PGM2: variants seen among roughly 807,000 people sequenced by gnomAD.
PGM2 encodes phosphopentomutase.
In PGM2, 57 loss-of-function variants were observed where a neutral mutation model predicts 74.6. The ratio of observed to expected loss-of-function variants is 0.76; its 90% CI spans 0.62 to 0.95. PGM2 has a LOEUF of 0.95. Ranked by LOEUF, PGM2 falls within the 40% of genes least tolerant of loss-of-function variation. PGM2 has a pLI of 0.00. For missense variants in PGM2, 706 were observed against 741.9 expected, an observed-to-expected ratio of 0.95 and a Z score of 0.56; for synonymous variants, 273 against 260.7, an observed-to-expected ratio of 1.05 and a Z score of -0.46.
intron 4 of PGM2, chr4:37,839,589 A>C (rs532023527): frequency 1.7e-5 from 10 of 602,240 alleles, no homozygotes; most frequent in Non-Finnish European, 3.1e-5. Flanking sequence ...AGCTCTACCA[A>C]GTAGAAGATG....
intron 1 of PGM2, 39 bp downstream of exon 1, chr4:37,826,852 G>A (rs1203988490): frequency 7.4e-7 from 1 of 1,359,462 alleles, no homozygotes; most frequent in Admixed American, 2.0e-5. Flanking sequence ...CTGGAGCGGG[G>A]CCGGGTGCTC....
chr4:37,849,684 C>T (rs902050724), intron 11 of PGM2, among the ~76,000 whole-genome samples: 1 of 152,142 alleles, frequency 6.6e-6, no homozygotes, highest in African/African-American at 2.4e-5. Flanking sequence ...GCTGGGATTA[C>T]AGGCGTGAGC....
chr4:37,856,891 A>G (rs973129887), intron 13 of PGM2, among the ~76,000 whole-genome samples: 1 of 152,150 alleles, frequency 6.6e-6, no homozygotes, highest in African/African-American at 2.4e-5. Context: ...ATATCCAAAA[A>G]TTATTACAAC....
At chr4:37,835,454 G>A (rs373175211) in intron 3 of PGM2, among the ~76,000 whole-genome samples, 14 of 152,132 alleles carry the variant, frequency 9.2e-5, no homozygotes, top group African/African-American at 3.1e-4. Flanking sequence ...CAGGAGCATG[G>A]CAGTGTTCCA....
In PGM2 at chr4:37,839,732, A is replaced by G. The variant is rs115764019; in HGVS notation, c.442-116A>G. 1,125 of 702,510 alleles carry G rather than the reference A, an allele frequency of 1.6e-3. 9 individuals are homozygous for G. In the African/African-American group the frequency reaches 0.018, roughly 11 times the overall value. 43.5% of individuals were successfully genotyped at this position (702,510 alleles called of 1,614,324 possible). On this transcript the variant is annotated intron_variant, in intron 4 of 13. Transcript: ENST00000381967. ...GGCTCAAAAATATTATGCTATTTAT[A>G]TATTATGTTTATTAAAAGGGAGCAA...
intron 12 of PGM2, among the ~76,000 whole-genome samples, chr4:37,853,524 A>G (rs1444540140): frequency 6.6e-6 from 1 of 151,946 alleles, no homozygotes; most frequent in Non-Finnish European, 1.5e-5. Flanking sequence ...TGTCTTTTAC[A>G]TGATGTCTTT....
Position 37,848,510 on chromosome 4 carries a change from G to T in PGM2, c.1283-12G>T. ...TATTGTATAGATGTATGTATGACGT[G>T]TGTTTCTGCAGGATACATGTGCTGC... is the stretch of plus-strand genomic sequence containing the variant. On this transcript the variant is annotated splice_polypyrimidine_tract_variant and intron_variant, in intron 10 of 13. Transcript: ENST00000381967. The T allele has an allele frequency of 6.2e-7, 1 of 1,610,214 alleles. No individual in the cohort carries two copies. The highest frequency in any genetic ancestry group is 8.5e-7 in the Non-Finnish European group (1 of 1,177,528).
intron 11 of PGM2, 66 bp from the exon 12 acceptor site, chr4:37,850,118 A>G (rs1725996292): frequency 5.6e-6 from 5 of 897,202 alleles, no homozygotes; most frequent in African/African-American, 1.7e-5. Flanking sequence ...TGGTTGGTAC[A>G]TGTTCTGTGT....
At chr4:37,851,630 C>T (rs1455958327) in intron 12 of PGM2, among the ~76,000 whole-genome samples, 3 of 152,140 alleles carry the variant, frequency 2.0e-5, no homozygotes, top group Admixed American at 6.5e-5. Context: ...TACGATGAAA[C>T]GTGGCAGTCC....
intron 1 of PGM2, among the ~76,000 whole-genome samples, chr4:37,827,243 T>C (rs1050864736): frequency 2.6e-5 from 4 of 152,206 alleles, no homozygotes; most frequent in African/African-American, 7.2e-5. Flanking sequence ...CGCTGAGACC[T>C]TTGCAGAGCA....
Position 37,840,081 on chromosome 4 carries a change from G to A in PGM2, c.541G>A (p.Gly181Arg). The A allele has an allele frequency of 6.2e-7, 1 of 1,613,604 alleles. No individual in the cohort carries two copies. The highest frequency in any genetic ancestry group is 8.5e-7 in the Non-Finnish European group (1 of 1,179,608). ...DNGYKVYWDN[G>R]AQIISPHDKG... ...GGTCCTCTAGGTCTATTGGGATAAT[G>A]GAGCTCAGATCATTTCTCCTCACGA... The change falls in exon 6 of 14, where the codon GGA becomes AGA. Residue 181 changes from glycine (G) to arginine (R), a missense_variant. Coordinates refer to ENST00000381967, the MANE Select transcript of PGM2 (RefSeq NM_018290.4).
intron 12 of PGM2, among the ~76,000 whole-genome samples, chr4:37,854,431 A>G (rs1468114986): frequency 2.6e-5 from 4 of 151,670 alleles, no homozygotes; most frequent in African/African-American, 9.7e-5. Context: ...GCTCACTGCA[A>G]CCTCCACCTC....
rs1726176108 is a variant in PGM2 at position 37,855,728 on chromosome 4, C to T, written c.1723C>T (p.Pro575Ser). The change falls in exon 13 of 14, where the codon CCA becomes TCA. Residue 575 changes from proline (P) to serine (S), a missense_variant. Pro to Ser is a moderately conservative substitution (Grantham distance 74). Transcript: ENST00000381967. ...KIKYYAELCA[P>S]PGNSDPEQLK... is the part of the protein sequence containing the mutation. ...CAAGTACTATGCAGAGCTGTGTGCC[C>T]CACCTGGGAACAGGTATGATGTGGA... 1.2e-6 allele frequency: 2 copies of T among 1,610,560 alleles called. No homozygotes were observed. The highest frequency in any genetic ancestry group is 3.4e-5 in the Admixed American group (2 of 59,310).
chr4:37,849,498 G>A (rs1725976789), intron 11 of PGM2, among the ~76,000 whole-genome samples: 1 of 137,296 alleles, frequency 7.3e-6, no homozygotes, highest in Non-Finnish European at 1.5e-5. Flanking sequence ...TGCAACCTCT[G>A]CCTCCTGGGT....
chr4:37,846,211 A>G (rs1725864962), intron 8 of PGM2, among the ~76,000 whole-genome samples: 1 of 152,140 alleles, frequency 6.6e-6, no homozygotes, highest in African/African-American at 2.4e-5. Context: ...GAGTTTGTAC[A>G]AAGGAGAAGT....
chr4:37,850,227 G>A lies in PGM2; in HGVS notation c.1456G>A (p.Asp486Asn), dbSNP rs748345202. ...TAAAGCTTCCTATTTTATCTGCCAT[G>A]ATCAAGAAACCATTAAGAAATTATT... ...ITKASYFICHDQETIKKLFEN... is the reference protein window; with the variant it reads ...ITKASYFICHNQETIKKLFEN... Residue 486 changes from aspartate to asparagine, a missense_variant, in exon 12 of 14, where the codon GAT becomes AAT. This residue lies in a region of PGM2 where 359 missense variants were observed against 371.1 expected (regional missense o/e 0.97). Coordinates refer to ENST00000381967, the MANE Select transcript of PGM2 (RefSeq NM_018290.4). The A allele has an allele frequency of 1.8e-5, 28 of 1,581,064 alleles. No individual in the cohort carries two copies. The African/African-American group carries it at 2.1e-4, about 12-fold the overall frequency.
At chr4:37,830,391 A>T (rs929009311) in intron 2 of PGM2, among the ~76,000 whole-genome samples, 3 of 152,204 alleles carry the variant, frequency 2.0e-5, no homozygotes, top group African/African-American at 7.2e-5. Context: ...CACTGGGGAT[A>T]TAAGAATGAC....
At chr4:37,846,160 T>C (rs1725863434) in intron 8 of PGM2, among the ~76,000 whole-genome samples, 1 of 152,140 alleles carries the variant, frequency 6.6e-6, no homozygotes, top group African/African-American at 2.4e-5. Flanking sequence ...GAGGAATTCC[T>C]GTGGGGTATC....
At chr4:37,853,359 CTTTTTTTTTTTTTT>C (rs11358189) in intron 12 of PGM2, among the ~76,000 whole-genome samples, 4 of 125,152 alleles carry the variant, frequency 3.2e-5, no homozygotes, top group Non-Finnish European at 4.8e-5. Flanking sequence ...GGTGATATTC[CTTTTTTTTTTTTTT>C]TTTTTTTTTA....
Sources: gnomAD v4.1 joint callset for allele counts (sites outside exome capture counted in the v4.1 genomes callset) on GRCh38, gnomAD v4.1.1 for gene constraint, gnomAD v4.1.1 regional missense constraint, MANE v1.5 for transcripts, NCBI Gene and HGNC (gene_info 2026-07-23, HGNC 2026-07-21) for gene names.